Variants in MACROD2 observed in about 807,000 individuals in gnomAD.
The protein encoded by MACROD2 is ADP-ribose glycohydrolase MACROD2.
A neutral mutation model predicts 70.4 loss-of-function variants in MACROD2; 36 were observed. The ratio of observed to expected loss-of-function variants is 0.51; its 90% CI spans 0.39 to 0.68. The LOEUF is 0.68. Ranked by LOEUF, MACROD2 falls within the 30% of genes least tolerant of loss-of-function variation. The pLI is 0.00. For missense variants in MACROD2, 496 were observed against 538.4 expected (o/e 0.92, Z 0.78); for synonymous variants, 172 against 178.8 (o/e 0.96, Z 0.30).
intron 6 of MACROD2, among the ~76,000 whole-genome samples, chr20:15,291,615 A>G (rs2077541307): frequency 6.6e-6 from 1 of 152,218 alleles, no homozygotes. Flanking sequence ...ATAATTTCAA[A>G]TTTATTTTTA....
chr20:14,534,687 T>C (rs891718504), intron 4 of MACROD2, among the ~76,000 whole-genome samples: 51 of 151,976 alleles, frequency 3.4e-4, no homozygotes, highest in Non-Finnish European at 6.3e-4. Flanking sequence ...TTCTTCATTT[T>C]CAAGGGGCTT....
At chr20:14,636,695 G>T (rs1984806033) in intron 4 of MACROD2, among the ~76,000 whole-genome samples, 1 of 152,142 alleles carries the variant, frequency 6.6e-6, no homozygotes, top group Non-Finnish European at 1.5e-5. Context: ...GAGAATAAAA[G>T]AGGATGGCCA....
At chr20:15,547,361 C>T (rs1407408576) in intron 8 of MACROD2, among the ~76,000 whole-genome samples, 2 of 152,120 alleles carry the variant, frequency 1.3e-5, no homozygotes, top group African/African-American at 4.8e-5. Context: ...CCAAATGTAG[C>T]GGTACTAGCT....
intron 5 of MACROD2, among the ~76,000 whole-genome samples, chr20:14,993,840 A>AG (rs200535575): frequency 0.021 from 3,241 of 152,288 alleles, 66 homozygotes; most frequent in Admixed American, 0.047. Flanking sequence ...AAACAGATAG[A>AG]TATAATCAAT....
Position 15,615,896 on chromosome 20 carries a change from A to G in MACROD2, c.645+116049A>G, listed in dbSNP as rs184204100. Among the ~76,000 whole-genome samples the G allele has an allele frequency of 1.8e-3, 269 of 152,240 alleles. 2 individuals carry two copies. The highest frequency in any genetic ancestry group is 4.7e-3 in the African/African-American group (195 of 41,546). On this transcript the variant is annotated intron_variant, in intron 8 of 17. Transcript: ENST00000684519. Reference sequence around the variant, plus strand: ...TATAATAATATATTAATTCCAGTGAAACTCCCAAGAGAGACTGTATTAAAC... The same window carrying G: ...TATAATAATATATTAATTCCAGTGAGACTCCCAAGAGAGACTGTATTAAAC...
At chr20:15,124,588 C>T (rs967222349) in intron 5 of MACROD2, among the ~76,000 whole-genome samples, 1 of 151,936 alleles carries the variant, frequency 6.6e-6, no homozygotes, top group Non-Finnish European at 1.5e-5. Flanking sequence ...TCCCTAATTA[C>T]TACAGTTTTA....
At chr20:14,810,042 T>G (rs970814337) in intron 5 of MACROD2, among the ~76,000 whole-genome samples, 3 of 152,104 alleles carry the variant, frequency 2.0e-5, no homozygotes, top group African/African-American at 7.2e-5. Flanking sequence ...CTTCTGAAAC[T>G]ATTCCAAACA....
At chr20:15,343,942 G>A (rs1335967664) in intron 6 of MACROD2, among the ~76,000 whole-genome samples, 1 of 152,106 alleles carries the variant, frequency 6.6e-6, no homozygotes, top group African/African-American at 2.4e-5. Context: ...GACTTTTATA[G>A]ATCGAGGTGA....
chr20:16,008,528 G>A (rs1347641540), intron 15 of MACROD2, among the ~76,000 whole-genome samples: 1 of 152,210 alleles, frequency 6.6e-6, no homozygotes, highest in Non-Finnish European at 1.5e-5. Context: ...TCTGAAGCCA[G>A]ACTACCTCAG....
Position 14,326,354 on chromosome 20 carries a change from C to A in MACROD2, c.272-167125C>A. The A allele has an allele frequency of 6.2e-7, 1 of 1,613,932 alleles. No individual in the cohort carries two copies. Among genetic ancestry groups the A allele is most frequent in the Non-Finnish European group, 8.5e-7 (1 of 1,179,868 alleles). ...TTCTTAATATCTGGCTGTTTGGTCACTGGAGCTGGCCACTGTCCTTGGGCA... is the reference window on the plus strand; with the variant it reads ...TTCTTAATATCTGGCTGTTTGGTCAATGGAGCTGGCCACTGTCCTTGGGCA... On this transcript the variant is annotated intron_variant, in intron 3 of 17. Coordinates refer to ENST00000684519, the MANE Select transcript of MACROD2 (RefSeq NM_001351661.2). The surrounding 1 kb of genome is among the most constrained non-coding windows in gnomAD (Gnocchi z 5.5).
intron 4 of MACROD2, among the ~76,000 whole-genome samples, chr20:14,605,940 T>G (rs1982773070): frequency 6.6e-6 from 1 of 152,156 alleles, no homozygotes; most frequent in Non-Finnish European, 1.5e-5. Flanking sequence ...TAAAATTTTT[T>G]GTGTCTAGTA....
At chr20:14,068,448 T>G (rs1226825229) in intron 2 of MACROD2, among the ~76,000 whole-genome samples, 15 of 152,232 alleles carry the variant, frequency 9.9e-5, no homozygotes, top group Non-Finnish European at 1.8e-4. Context: ...GAATACGAAC[T>G]CCTCATTCTA....
rs981239825 is a variant in MACROD2 at position 15,932,876 on chromosome 20, T to C, written c.776-400T>C. Among the ~76,000 whole-genome samples, 7 of 152,288 alleles carry C rather than the reference T, an allele frequency of 4.6e-5. No individual in the cohort carries two copies. The East Asian group carries it at 1.4e-3, about 29-fold the overall frequency. ...AAATTGACCTTTTTTTTGCAGCATA[T>C]ATCATACAGAGAAATAAAGGGCGAG... is the stretch of plus-strand genomic sequence containing the variant. On this transcript the variant is annotated intron_variant, in intron 10 of 17. Coordinates refer to ENST00000684519, the MANE Select transcript of MACROD2 (RefSeq NM_001351661.2).
At chr20:15,501,951 T>G (rs952192425) in intron 8 of MACROD2, among the ~76,000 whole-genome samples, 15 of 152,324 alleles carry the variant, frequency 9.8e-5, no homozygotes, top group African/African-American at 3.6e-4. Context: ...TTCTGATTGG[T>G]TAAGCTACTT....
chr20:14,669,191 G>A (rs1045031311), intron 4 of MACROD2, among the ~76,000 whole-genome samples: 1 of 152,106 alleles, frequency 6.6e-6, no homozygotes, highest in African/African-American at 2.4e-5. Context: ...TTGGAGAAAC[G>A]GGCTTCTTGT....
intron 5 of MACROD2, among the ~76,000 whole-genome samples, chr20:15,217,970 A>G (rs2145959654): frequency 6.6e-6 from 1 of 152,304 alleles, no homozygotes; most frequent in Non-Finnish European, 1.5e-5. Context: ...GGAAAGGCTC[A>G]GTGATATATT....
At chr20:15,737,234 G>T (rs1219544336) in intron 8 of MACROD2, among the ~76,000 whole-genome samples, 1 of 152,178 alleles carries the variant, frequency 6.6e-6, no homozygotes, top group African/African-American at 2.4e-5. Flanking sequence ...AGTAATTACA[G>T]GGCATCCAAG....
intron 5 of MACROD2, among the ~76,000 whole-genome samples, chr20:15,192,044 ATCTATCTATC>A: frequency 6.6e-6 from 1 of 151,242 alleles, no homozygotes; most frequent in African/African-American, 2.4e-5. Flanking sequence ...CTATCTATCT[ATCTATCTATC>A]TATCTATCTA....
chr20:15,402,604 C>T (rs150374012), intron 6 of MACROD2, among the ~76,000 whole-genome samples: 215 of 152,120 alleles, frequency 1.4e-3, no homozygotes, highest in East Asian at 2.7e-3. Flanking sequence ...ATATGTGAGC[C>T]GCCATGAGAA....
Sources: allele counts gnomAD v4.1 joint callset (sites outside exome capture counted in the v4.1 genomes callset), GRCh38; gene constraint gnomAD v4.1.1; non-coding constraint Gnocchi (gnomAD v3.1); transcripts MANE v1.5; gene names NCBI Gene and HGNC (gene_info 2026-07-23, HGNC 2026-07-21).